Variants in ASB7 observed in about 807,000 individuals in gnomAD.
The protein encoded by ASB7 is ankyrin repeat and SOCS box protein 7.
A neutral mutation model predicts 32.5 loss-of-function variants in ASB7; 4 were observed. The observed-to-expected ratio is 0.12, with a 90% CI of 0.06 to 0.28. The LOEUF is 0.28. Ranked by LOEUF, ASB7 falls within the 10% of genes least tolerant of loss-of-function variation. ASB7 has a pLI of 1.00. For synonymous variants in ASB7, 172 were observed against 155.6 expected (o/e 1.11, Z -0.78); for missense variants, 181 against 407.1 (o/e 0.44, Z 4.78).
chr15:100,624,809 A>G (rs547266842), intron 4 of ASB7, among the ~76,000 whole-genome samples: 1 of 152,324 alleles, frequency 6.6e-6, no homozygotes, highest in African/African-American at 2.4e-5. Context: ...AGACCAAACA[A>G]AGACCTTGGA....
chr15:100,629,163 TGTG>T lies in ASB7; in HGVS notation c.212-270_212-268del, dbSNP rs1199634517. 5.9e-5 allele frequency among the ~76,000 whole-genome samples: 9 copies of T among 152,342 alleles called. No individual in the cohort carries two copies. The East Asian group carries it at 1.5e-3, about 26-fold the overall frequency. On this transcript the variant is annotated intron_variant, in intron 4 of 5. Transcript: ENST00000332783. This position sits in a 1 kb window ranked among gnomAD's most constrained non-coding sequence, Gnocchi z 6.8. ...TGGTTAAATTAGCAAAGACAGGGGA[TGTG>T]GTGATCTGTACTCCGTGTTTTTTGT...
At chr15:100,615,185 G>A (rs754589259) in intron 4 of ASB7, among the ~76,000 whole-genome samples, 7 of 152,176 alleles carry the variant, frequency 4.6e-5, no homozygotes, top group Non-Finnish European at 7.3e-5. Flanking sequence ...ACACAAGAGC[G>A]AAATCACCTA....
At chr15:100,617,213 C>G (rs762231602) in intron 4 of ASB7, among the ~76,000 whole-genome samples, 1 of 152,186 alleles carries the variant, frequency 6.6e-6, no homozygotes, top group Non-Finnish European at 1.5e-5. Context: ...GTCTTGCCCC[C>G]TCCCAACCAG....
chr15:100,636,475 A>AT, intron 5 of ASB7, among the ~76,000 whole-genome samples: 1 of 152,284 alleles, frequency 6.6e-6, no homozygotes, highest in Non-Finnish European at 1.5e-5. Context: ...CATCCCAAAG[A>AT]TCCCCCAACT....
At chr15:100,623,352 G>A (rs755964788) in intron 4 of ASB7, among the ~76,000 whole-genome samples, 2 of 152,202 alleles carry the variant, frequency 1.3e-5, no homozygotes, top group African/African-American at 2.4e-5. Flanking sequence ...GCAGGTAGCC[G>A]AGATCATGCC....
At position 100,602,918 on chromosome 15, in the gene ASB7, G is replaced by A. The variant is rs535484013; in HGVS notation, c.-401G>A. 5.9e-3 allele frequency: 2,350 copies of A among 398,950 alleles called. 15 individuals carry two copies. Among genetic ancestry groups the A allele is most frequent in the Non-Finnish European group, 8.4e-3 (1,899 of 226,376 alleles). 24.7% of individuals were successfully genotyped at this position (398,950 alleles called of 1,614,324 possible). A position where few individuals can be genotyped will look rare whatever the true frequency, so the allele number is the denominator to read the frequency against. ...GCTGTTCGGATGTTCGCCGGGCTGG[G>A]GCCGTGAGGCACCGAGGAGGATCAG... On this transcript the variant is annotated 5_prime_UTR_variant, in exon 1 of 6. Transcript: ENST00000332783.
intron 5 of ASB7, among the ~76,000 whole-genome samples, chr15:100,643,152 G>A (rs113690263): frequency 6.6e-6 from 1 of 152,180 alleles, no homozygotes; most frequent in South Asian, 2.1e-4. Context: ...CAGTTCCCTT[G>A]TATAGGTTGC....
At chr15:100,632,587 GCTT>G (rs2039892151) in intron 5 of ASB7, among the ~76,000 whole-genome samples, 1 of 152,266 alleles carries the variant, frequency 6.6e-6, no homozygotes, top group South Asian at 2.1e-4. Context: ...AAAGCTGAGA[GCTT>G]CTTCTAGCCC....
At position 100,649,352 on chromosome 15, in the gene ASB7, G is replaced by A. The variant is rs1357141416; in HGVS notation, c.*890G>A. ...CCGCCGCTTCAGTTGTCACTGCAGA[G>A]CCATCGTATGTCAGTTGCAATTTCC... On this transcript the variant is annotated 3_prime_UTR_variant, in exon 6 of 6. Coordinates refer to ENST00000332783, the MANE Select transcript of ASB7 (RefSeq NM_198243.3). The A allele has an allele frequency of 6.6e-6, 1 of 152,156 alleles. No homozygotes were observed. Among genetic ancestry groups the A allele is most frequent in the Non-Finnish European group, 1.5e-5 (1 of 68,036 alleles). 9.4% of individuals were successfully genotyped at this position (152,156 alleles called of 1,614,324 possible). A position where few individuals can be genotyped will look rare whatever the true frequency, so the allele number is the denominator to read the frequency against.
rs978901835 is a variant in ASB7, at chr15:100,651,163, C to T, written c.*2701C>T. 2 of 150,898 alleles carry T rather than the reference C, an allele frequency of 1.3e-5. No individual in the cohort carries two copies. Among genetic ancestry groups the T allele is most frequent in the African/African-American group, 4.9e-5 (2 of 41,094 alleles). 9.3% of individuals were successfully genotyped at this position (150,898 alleles called of 1,614,324 possible). A position where few individuals can be genotyped will look rare whatever the true frequency, so the allele number is the denominator to read the frequency against. ...ACAAAAGATTATGATCATTAATGAA[C>T]TGCAAACCTCATCTTTCGAAAACAA... On this transcript the variant is annotated 3_prime_UTR_variant, in exon 6 of 6. Coordinates refer to ENST00000332783, the MANE Select transcript of ASB7 (RefSeq NM_198243.3).
At chr15:100,645,490 G>A in intron 5 of ASB7, 1 of 590,236 alleles carries the variant, frequency 1.7e-6, no homozygotes. Flanking sequence ...GGAGCCCTGT[G>A]TCTGTCTAGT....
intron 4 of ASB7, among the ~76,000 whole-genome samples, chr15:100,614,956 C>A (rs764451668): frequency 6.6e-6 from 1 of 151,978 alleles, no homozygotes; most frequent in Admixed American, 6.6e-5. Flanking sequence ...AATCATGGAC[C>A]CCATTTACAA....
chr15:100,624,549 G>A (rs899996891), intron 4 of ASB7, among the ~76,000 whole-genome samples: 2 of 152,166 alleles, frequency 1.3e-5, no homozygotes, highest in Non-Finnish European at 2.9e-5. Flanking sequence ...AGGAAAAATG[G>A]ACAGATTTCC....
chr15:100,612,609 G>T, intron 4 of ASB7, 182 bp downstream of exon 4: 1 of 646,606 alleles, frequency 1.5e-6, no homozygotes, highest in Non-Finnish European at 2.6e-6. Context: ...TTGTTTAAAA[G>T]ATCAGTTTTA....
At chr15:100,610,879 A>C (rs1270685837) in intron 3 of ASB7, among the ~76,000 whole-genome samples, 1 of 152,242 alleles carries the variant, frequency 6.6e-6, no homozygotes, top group Non-Finnish European at 1.5e-5. Context: ...TATTCCTTCC[A>C]GTTAGCACAC....
At position 100,612,243 on chromosome 15, in the gene ASB7, C is replaced by T; in HGVS notation, c.27C>T (p.Asn9=). MLHHHCRR[N]PELQEELQIQ... ...TGTTACACCATCATTGTCGAAGGAA[C>T]CCTGAGCTCCAGGAAGAGTTGCAGA... is the stretch of plus-strand genomic sequence containing the variant. Residue 9 remains asparagine (N), a synonymous_variant, in exon 4 of 6, where the codon AAC becomes AAT. Coordinates refer to ENST00000332783, the MANE Select transcript of ASB7 (RefSeq NM_198243.3). The T allele has an allele frequency of 1.2e-6, 2 of 1,613,990 alleles. No individual in the cohort carries two copies. The highest frequency in any genetic ancestry group is 1.1e-5 in the South Asian group (1 of 91,082).
chr15:100,622,069 C>T (rs1413837122), intron 4 of ASB7, among the ~76,000 whole-genome samples: 1 of 152,032 alleles, frequency 6.6e-6, no homozygotes, highest in Non-Finnish European at 1.5e-5. Flanking sequence ...ACCCAAAAAA[C>T]TCTTAGATTG....
intron 5 of ASB7, among the ~76,000 whole-genome samples, chr15:100,638,953 T>C (rs1055870360): frequency 6.6e-6 from 1 of 152,164 alleles, no homozygotes; most frequent in Non-Finnish European, 1.5e-5. Flanking sequence ...TTTACTCCTG[T>C]GGCGGGCTCT....
At chr15:100,643,040 A>G (rs1473427169) in intron 5 of ASB7, among the ~76,000 whole-genome samples, 2 of 152,186 alleles carry the variant, frequency 1.3e-5, no homozygotes, top group Non-Finnish European at 1.5e-5. Flanking sequence ...TGGCTAAAAA[A>G]CAAAACAAAA....
Sources: allele counts gnomAD v4.1 joint callset (sites outside exome capture counted in the v4.1 genomes callset), GRCh38; gene constraint gnomAD v4.1.1; non-coding constraint Gnocchi (gnomAD v3.1); transcripts MANE v1.5; gene names NCBI Gene and HGNC (gene_info 2026-07-23, HGNC 2026-07-21).